SPTBN4: variants seen among roughly 807,000 people sequenced by gnomAD.
SPTBN4 encodes spectrin beta chain, non-erythrocytic 4.
SPTBN4 carries 96 observed loss-of-function variants against 277.8 expected under a neutral mutation model. The ratio of observed to expected loss-of-function variants is 0.35; its 90% CI spans 0.29 to 0.41. The LOEUF is 0.41. Among genes scored for constraint, SPTBN4 ranks in the 10% least tolerant of loss-of-function variants. The pLI, the probability that SPTBN4 is intolerant of heterozygous loss-of-function variation, is 1.00. For synonymous variants in SPTBN4, 1,481 were observed against 1,580.3 expected, an observed-to-expected ratio of 0.94 and a Z score of 1.49; for missense variants, 3,006 against 3,595.7, an observed-to-expected ratio of 0.84 and a Z score of 4.19.
At chr19:40,508,378 G>C (rs1418863503) in intron 13 of SPTBN4, among the ~76,000 whole-genome samples, 1 of 152,166 alleles carries the variant, frequency 6.6e-6, no homozygotes, top group East Asian at 1.9e-4. Context: ...GAGCTGTGGG[G>C]CTTCTCAGCA....
At position 40,528,076 on chromosome 19, in the gene SPTBN4, AG is replaced by A. The variant is rs375025600; in HGVS notation, c.3858-963del. Among the ~76,000 whole-genome samples the A allele has an allele frequency of 9.6e-3, 1,405 of 146,824 alleles. 107 individuals carry two copies. Among genetic ancestry groups the A allele is most frequent in the African/African-American group, 0.034 (1,307 of 38,786 alleles). On this transcript the variant is annotated intron_variant, in intron 17 of 35. Coordinates refer to ENST00000598249, the MANE Select transcript of SPTBN4 (RefSeq NM_020971.3). ...ATCTCAAAAAAAAAAAAAAAAAAAA[AG>A]GACTCTAAGGACTCTCATGGAGACC...
chr19:40,557,383 C>T lies in SPTBN4; in HGVS notation c.5650C>T (p.Leu1884=), dbSNP rs761603355. ...QRTLRAFEHD[L]QLLVSQVRQL... is the part of the protein sequence containing the mutation. ...GACCCTGAGAGCCTTTGAGCATGAC[C>T]TGCAGCTCCTCGTGTCCCAGGTGGG... Residue 1884 remains leucine, a synonymous_variant, in exon 26 of 36, where the codon CTG becomes TTG. Transcript: ENST00000598249. 6.3e-7 allele frequency: 1 copy of T among 1,574,886 alleles called. No individual in the cohort carries two copies. The highest frequency in any genetic ancestry group is 8.6e-7 in the Non-Finnish European group (1 of 1,156,298).
At chr19:40,553,758 G>A (rs1416973692) in intron 22 of SPTBN4, among the ~76,000 whole-genome samples, 1 of 152,102 alleles carries the variant, frequency 6.6e-6, no homozygotes, top group Non-Finnish European at 1.5e-5. Context: ...TAAGATTTGT[G>A]CACTCTACCG....
chr19:40,472,313 G>A (rs1428380931), intron 1 of SPTBN4, among the ~76,000 whole-genome samples: 1 of 151,882 alleles, frequency 6.6e-6, no homozygotes, highest in Non-Finnish European at 1.5e-5. Flanking sequence ...TCAAAGTGTT[G>A]GGATTATAGG....
chr19:40,476,846 C>T (rs2079954280), intron 2 of SPTBN4, among the ~76,000 whole-genome samples: 1 of 152,006 alleles, frequency 6.6e-6, no homozygotes, highest in Non-Finnish European at 1.5e-5. Flanking sequence ...CTTGGCCTCC[C>T]AAAGTGCTGG....
chr19:40,476,809 G>A (rs1398638298), intron 2 of SPTBN4, among the ~76,000 whole-genome samples: 1 of 151,918 alleles, frequency 6.6e-6, no homozygotes, highest in Non-Finnish European at 1.5e-5. Context: ...GGATGGTTTT[G>A]ATCTCCTGAC....
chr19:40,527,477 T>C (rs12985180), intron 17 of SPTBN4, among the ~76,000 whole-genome samples: 21,164 of 152,164 alleles, frequency 0.14, 2,080 homozygotes, highest in African/African-American at 0.28. Context: ...ATAAGTAACA[T>C]ATAGCACGTG....
At chr19:40,492,846 C>T (rs1185775698) in intron 4 of SPTBN4, 117 bp from the exon 5 acceptor site, 6 of 789,078 alleles carry the variant, frequency 7.6e-6, no homozygotes, top group Non-Finnish European at 8.4e-6. Flanking sequence ...CAGCCAGAAG[C>T]TGCCTCCCCC....
intron 32 of SPTBN4, among the ~76,000 whole-genome samples, chr19:40,569,955 C>G (rs1359891488): frequency 1.3e-5 from 2 of 148,160 alleles, no homozygotes; most frequent in African/African-American, 2.6e-5. Flanking sequence ...CACACACACA[C>G]ACACACACAC....
intron 13 of SPTBN4, among the ~76,000 whole-genome samples, chr19:40,508,537 A>T (rs1416246288): frequency 2.0e-5 from 3 of 152,094 alleles, no homozygotes; most frequent in Non-Finnish European, 4.4e-5. Flanking sequence ...AAATACAAAA[A>T]ATTAATTTGG....
intron 32 of SPTBN4, among the ~76,000 whole-genome samples, chr19:40,570,005 C>T (rs1031373935): frequency 1.3e-5 from 2 of 150,220 alleles, no homozygotes; most frequent in Non-Finnish European, 3.0e-5. Context: ...CACACACAGA[C>T]ACACAGACAC....
chr19:40,472,013 C>T (rs144054864), intron 1 of SPTBN4, among the ~76,000 whole-genome samples: 6,437 of 151,112 alleles, frequency 0.043, 189 homozygotes, highest in South Asian at 0.12. Flanking sequence ...CGGGTTCAAG[C>T]GCTTCTCCTG....
chr19:40,551,070 C>G (rs981676195), intron 22 of SPTBN4, among the ~76,000 whole-genome samples: 1 of 152,220 alleles, frequency 6.6e-6, no homozygotes, highest in African/African-American at 2.4e-5. Flanking sequence ...GTTAAGCGCC[C>G]TCCCCTGGAA....
rs2081025315 is a variant in SPTBN4, at chr19:40,560,021, A to G, written c.5671-138A>G. The G allele has an allele frequency of 7.0e-7, 1 of 1,429,570 alleles. No homozygotes were observed. The highest frequency in any genetic ancestry group is 2.5e-5 in the East Asian group (1 of 39,824). 88.6% of individuals were successfully genotyped at this position (1,429,570 alleles called of 1,614,324 possible). On this transcript the variant is annotated intron_variant, in intron 26 of 35. Transcript: ENST00000598249. The surrounding 1 kb of genome is among the most constrained non-coding windows in gnomAD (Gnocchi z 5.2). ...AAGTCAAAGAGAAATCAGGCAGCAG[A>G]TATGACAGGAGCCTGGCTGTGGGAT...
chr19:40,510,539 A>G (rs1457889740), intron 13 of SPTBN4, among the ~76,000 whole-genome samples: 1 of 152,120 alleles, frequency 6.6e-6, no homozygotes, highest in African/African-American at 2.4e-5. Context: ...TGCTGACCTC[A>G]AGTGATCTGC....
intron 7 of SPTBN4, among the ~76,000 whole-genome samples, chr19:40,498,373 T>TTTAA (rs200114116): frequency 1.4e-5 from 2 of 141,130 alleles, no homozygotes; most frequent in Non-Finnish European, 3.0e-5. Context: ...TTTTATTTTA[T>TTTAA]TTTATTTATT....
rs2080157495 is a variant in SPTBN4, at chr19:40,493,151, C to A, written c.587+97C>A. 3 of 1,113,756 alleles carry A rather than the reference C, an allele frequency of 2.7e-6. No individual in the cohort carries two copies. The East Asian group carries it at 7.3e-5, about 27-fold the overall frequency. 69.0% of individuals were successfully genotyped at this position (1,113,756 alleles called of 1,614,324 possible). A position where few individuals can be genotyped will look rare whatever the true frequency, so the allele number is the denominator to read the frequency against. On this transcript the variant is annotated intron_variant, in intron 5 of 35. Transcript: ENST00000598249. ...CAAGAGCTCAAGGGGCAGCCCATGT[C>A]CTCAGGGTCAAAAAGTTACATCTGA...
At position 40,549,356 on chromosome 19, in the gene SPTBN4, C is replaced by T; in HGVS notation, c.4527C>T (p.Arg1509=). Residue 1509 remains arginine (R), a synonymous_variant, in exon 21 of 36, where the codon CGC becomes CGT. Coordinates refer to ENST00000598249, the MANE Select transcript of SPTBN4 (RefSeq NM_020971.3). ...RLLEPLQERR[R]LLLASKELHQ... is the part of the protein sequence containing the mutation. ...TCGAGCCGTTGCAGGAGCGCCGCCGCTTGCTGCTGGCTTCCAAGGAGTTGC... is the reference window on the plus strand; with the variant it reads ...TCGAGCCGTTGCAGGAGCGCCGCCGTTTGCTGCTGGCTTCCAAGGAGTTGC... 1 of 1,516,002 alleles carries T rather than the reference C, an allele frequency of 6.6e-7. No individual in the cohort carries two copies. Among genetic ancestry groups the T allele is most frequent in the Non-Finnish European group, 8.8e-7 (1 of 1,133,974 alleles). 93.9% of individuals were successfully genotyped at this position (1,516,002 alleles called of 1,614,324 possible).
intron 6 of SPTBN4, among the ~76,000 whole-genome samples, chr19:40,496,580 G>C (rs1021598900): frequency 1.3e-4 from 20 of 152,118 alleles, no homozygotes; most frequent in Non-Finnish European, 2.9e-5. Context: ...CACCATGCCC[G>C]GCTGGCAGGT....
Sources: allele counts gnomAD v4.1 joint callset (sites outside exome capture counted in the v4.1 genomes callset), GRCh38; gene constraint gnomAD v4.1.1; non-coding constraint Gnocchi (gnomAD v3.1); transcripts MANE v1.5; gene names NCBI Gene and HGNC (gene_info 2026-07-23, HGNC 2026-07-21).